The following RALYL variants were observed in gnomAD, a reference collection of about 807,000 sequenced individuals.
The protein encoded by RALYL is RALY RNA binding protein like.
RALYL carries 29 observed loss-of-function variants against 35.1 expected under a neutral mutation model. The observed-to-expected ratio is 0.83, with a 90% CI of 0.61 to 1.13. The LOEUF (loss-of-function observed/expected upper bound fraction) is 1.13, where lower values mean the gene tolerates loss of function less well. RALYL is among the 50% of genes most tolerant of loss of function. The pLI is 0.00. For synonymous variants in RALYL, 120 were observed against 127.6 expected, an observed-to-expected ratio of 0.94 and a Z score of 0.40; for missense variants, 359 against 360.4, an observed-to-expected ratio of 1.00 and a Z score of 0.03.
chr8:84,320,764 AAAT>A, intron 1 of RALYL, among the ~76,000 whole-genome samples: 1 of 152,090 alleles, frequency 6.6e-6, no homozygotes, highest in East Asian at 1.9e-4. Context: ...TGGTTCATGC[AAAT>A]AAAGTAGAGT....
At chr8:84,920,706 A>T (rs1332786294) in intron 8 of RALYL, among the ~76,000 whole-genome samples, 188 bp from the exon 9 acceptor site, 1 of 152,130 alleles carries the variant, frequency 6.6e-6, no homozygotes, top group Non-Finnish European at 1.5e-5. Context: ...AAATGAAAAT[A>T]ATTATAGATT....
chr8:84,487,186 G>A (rs1020916827), intron 1 of RALYL, among the ~76,000 whole-genome samples: 1 of 151,984 alleles, frequency 6.6e-6, no homozygotes, highest in Admixed American at 6.6e-5. Flanking sequence ...AAACTAATAA[G>A]CAAAGTATTA....
In RALYL at chr8:84,873,343, G is replaced by C; in HGVS notation, c.631G>C (p.Asp211His). 1.2e-6 allele frequency: 2 copies of C among 1,602,932 alleles called. No individual in the cohort carries two copies. The highest frequency in any genetic ancestry group is 1.7e-6 in the Non-Finnish European group (2 of 1,174,678). Residue 211 changes from aspartate (D) to histidine (H), a missense_variant, in exon 7 of 9, where the codon GAC becomes CAC. Coordinates refer to ENST00000521268, the MANE Select transcript of RALYL (RefSeq NM_173848.7). ...KELTQIKTKI[D>H]SLLGRLEKIE... The stretch of plus-strand genomic sequence containing the variant: ...ATTAACCCAGATCAAAACTAAAATT[G>C]ACTCCTTGCTAGGGCGCCTGGAGAA...
chr8:84,816,381 G>T (rs1318007772), intron 4 of RALYL, among the ~76,000 whole-genome samples: 1 of 152,044 alleles, frequency 6.6e-6, no homozygotes, highest in Non-Finnish European at 1.5e-5. Context: ...TTTTAAAGAA[G>T]ACTTTAATAT....
intron 3 of RALYL, among the ~76,000 whole-genome samples, chr8:84,781,364 T>C (rs1818127201): frequency 1.3e-5 from 2 of 152,226 alleles, no homozygotes; most frequent in South Asian, 2.1e-4. Context: ...AAAAAAGTGC[T>C]GACACAATAC....
chr8:84,599,132 T>C lies in RALYL; in HGVS notation c.256+69555T>C, dbSNP rs113440866. On this transcript the variant is annotated intron_variant, in intron 2 of 8. Transcript: ENST00000521268. The stretch of plus-strand genomic sequence containing the variant: ...AGATTATTTAGATGTAAAAATAAAT[T>C]GCTCTCATAGGGCTGAATAACACAT... Among the ~76,000 whole-genome samples the C allele has an allele frequency of 4.1e-3, 623 of 152,242 alleles. 5 individuals are homozygous for C. Among genetic ancestry groups the C allele is most frequent in the African/African-American group, 0.014 (602 of 41,566 alleles).
intron 4 of RALYL, among the ~76,000 whole-genome samples, chr8:84,806,056 A>C (rs1824525498): frequency 1.3e-5 from 2 of 152,222 alleles, no homozygotes; most frequent in South Asian, 4.1e-4. Flanking sequence ...GTACATGGTC[A>C]TTGAATATTT....
At chr8:84,410,633 C>A (rs923569397) in intron 1 of RALYL, among the ~76,000 whole-genome samples, 5 of 151,660 alleles carry the variant, frequency 3.3e-5, no homozygotes, top group Admixed American at 6.6e-5. Flanking sequence ...TAATTAAGAT[C>A]ACATTGCAGT....
chr8:84,673,524 A>C (rs1833648444), intron 2 of RALYL, among the ~76,000 whole-genome samples: 1 of 151,982 alleles, frequency 6.6e-6, no homozygotes, highest in Non-Finnish European at 1.5e-5. Context: ...TACATTTTAC[A>C]TTTAAAATCC....
intron 1 of RALYL, among the ~76,000 whole-genome samples, chr8:84,311,508 A>G (rs1021749079): frequency 6.6e-6 from 1 of 152,176 alleles, no homozygotes; most frequent in African/African-American, 2.4e-5. Context: ...ATGGTAGCAA[A>G]AAATACTATA....
At chr8:84,755,037 G>T (rs1019401450) in intron 2 of RALYL, among the ~76,000 whole-genome samples, 19 of 152,154 alleles carry the variant, frequency 1.2e-4, no homozygotes, top group Non-Finnish European at 2.2e-4. Context: ...CTGTTTCCAT[G>T]AGCAGCTATA....
chr8:84,727,821 G>A (rs1228862181), intron 2 of RALYL, among the ~76,000 whole-genome samples: 4 of 151,872 alleles, frequency 2.6e-5, no homozygotes, highest in African/African-American at 4.8e-5. Context: ...TTTTATGGCT[G>A]CATAGTATTC....
At chr8:84,725,553 G>A (rs1452901693) in intron 2 of RALYL, among the ~76,000 whole-genome samples, 1 of 151,710 alleles carries the variant, frequency 6.6e-6, no homozygotes, top group African/African-American at 2.4e-5. Flanking sequence ...GAAGAATGAT[G>A]TTTTGTGAGC....
At chr8:84,359,382 A>C (rs1250379934) in intron 1 of RALYL, among the ~76,000 whole-genome samples, 1 of 151,982 alleles carries the variant, frequency 6.6e-6, no homozygotes, top group Non-Finnish European at 1.5e-5. Context: ...TTAATGATAT[A>C]CTTGCAGGGT....
Position 84,804,487 on chromosome 8 carries a change from G to A in RALYL, c.333-283G>A, listed in dbSNP as rs1238611506. Among the ~76,000 whole-genome samples, 3 of 152,246 alleles carry A rather than the reference G, an allele frequency of 2.0e-5. No homozygotes were observed. The East Asian group carries it at 5.8e-4, about 29-fold the overall frequency. On this transcript the variant is annotated intron_variant, in intron 3 of 8. Coordinates refer to ENST00000521268, the MANE Select transcript of RALYL (RefSeq NM_173848.7). ...TAAAGAAAATGAGTAGATACAGAGA[G>A]TGCAATCAGAATTAGATTAATACTA... is the stretch of plus-strand genomic sequence containing the variant.
intron 3 of RALYL, among the ~76,000 whole-genome samples, chr8:84,787,826 A>C (rs1332085740): frequency 2.0e-5 from 3 of 152,178 alleles, no homozygotes; most frequent in Non-Finnish European, 4.4e-5. Flanking sequence ...TCTTCTTTTG[A>C]GAAGTGTCTG....
chr8:84,248,251 G>T (rs1471229956), intron 1 of RALYL, among the ~76,000 whole-genome samples: 1 of 152,082 alleles, frequency 6.6e-6, no homozygotes, highest in Admixed American at 6.6e-5. Flanking sequence ...AATTGGCCAG[G>T]TGTAGGCTTA....
chr8:84,451,944 T>C (rs2049525613), intron 1 of RALYL, among the ~76,000 whole-genome samples: 2 of 152,018 alleles, frequency 1.3e-5, no homozygotes, highest in Admixed American at 1.3e-4. Context: ...TTACCAGTAC[T>C]GGATCAATGT....
At chr8:84,746,353 T>A (rs1808604584) in intron 2 of RALYL, among the ~76,000 whole-genome samples, 1 of 151,992 alleles carries the variant, frequency 6.6e-6, no homozygotes, top group Non-Finnish European at 1.5e-5. Context: ...AAAACTGAAA[T>A]TTTAGTAATG....
Sources: allele counts gnomAD v4.1 joint callset (sites outside exome capture counted in the v4.1 genomes callset), GRCh38; gene constraint gnomAD v4.1.1; transcripts MANE v1.5; gene names NCBI Gene and HGNC (gene_info 2026-07-23, HGNC 2026-07-21).